The following JAKMIP1 variants were observed in gnomAD, a reference collection of about 807,000 sequenced individuals.
JAKMIP1 encodes the protein janus kinase and microtubule-interacting protein 1.
In JAKMIP1, 33 loss-of-function variants were observed where a neutral mutation model predicts 113.0. That is an observed-to-expected ratio of 0.29 (90% confidence interval 0.22 to 0.39). The LOEUF is 0.39. Among genes scored for constraint, JAKMIP1 ranks in the 10% least tolerant of loss-of-function variants. The probability of loss-of-function intolerance (pLI) is 1.00; values close to 1 mark genes in which losing one functional copy is unlikely to be tolerated. For synonymous variants in JAKMIP1, 480 were observed against 459.9 expected (o/e 1.04, Z -0.56); for missense variants, 813 against 1,080.5 (o/e 0.75, Z 3.47).
At chr4:6,191,985 T>G (rs776798680) in intron 1 of JAKMIP1, among the ~76,000 whole-genome samples, 3 of 151,476 alleles carry the variant, frequency 2.0e-5, no homozygotes, top group Non-Finnish European at 4.4e-5. Context: ...CAGGCTGGAG[T>G]GCAATGGCCC....
Position 6,076,608 on chromosome 4 carries a change from T to C in JAKMIP1, c.1302+2331A>G, listed in dbSNP as rs1578165907. Among the ~76,000 whole-genome samples, 2 of 152,120 alleles carry C rather than the reference T, an allele frequency of 1.3e-5. No individual in the cohort carries two copies. The highest frequency in any genetic ancestry group is 4.8e-5 in the African/African-American group (2 of 41,418). ...ACCAGGAGGCAGCCTGGGAGCCAAA[T>C]TGCACCCATAGATATATTTTATGTG... On this transcript the variant is annotated intron_variant, in intron 8 of 20. Coordinates refer to ENST00000409021, the MANE Select transcript of JAKMIP1 (RefSeq NM_001099433.2). The surrounding 1 kb of genome is among the most constrained non-coding windows in gnomAD (Gnocchi z 4.8).
chr4:6,037,000 G>T (rs897737566), intron 18 of JAKMIP1, among the ~76,000 whole-genome samples: 41 of 148,472 alleles, frequency 2.8e-4, no homozygotes, highest in African/African-American at 9.3e-4. Context: ...CATCACTGAG[G>T]CAGAGGTTAA....
chr4:6,133,140 A>T (rs115151629), intron 1 of JAKMIP1, among the ~76,000 whole-genome samples: 1 of 152,346 alleles, frequency 6.6e-6, no homozygotes, highest in Non-Finnish European at 1.5e-5. Flanking sequence ...GAACACCAAA[A>T]AAACCTCATA....
intron 3 of JAKMIP1, among the ~76,000 whole-genome samples, chr4:6,103,091 T>C (rs1713349363): frequency 6.6e-6 from 1 of 152,190 alleles, no homozygotes; most frequent in African/African-American, 2.4e-5. Flanking sequence ...GTTTTGACCT[T>C]GAACTTGGGT....
chr4:6,042,183 C>T lies in JAKMIP1; in HGVS notation c.2073G>A (p.Lys691=). 6.2e-7 allele frequency: 1 copy of T among 1,613,940 alleles called. No individual in the cohort carries two copies. Among genetic ancestry groups the T allele is most frequent in the Non-Finnish European group, 8.5e-7 (1 of 1,179,866 alleles). ...IEGTEAALTQ[K]MLDLEKEKDL... ...CCTTCTCCTTCTCCAGGTCCAGCAT[C>T]TTCTGGGTCAGGGCGGCCTCGGTCC... The change falls in exon 17 of 21, where the codon AAG becomes AAA. Residue 691 remains lysine, a synonymous_variant. Coordinates refer to ENST00000409021, the MANE Select transcript of JAKMIP1 (RefSeq NM_001099433.2). This position sits in a 1 kb window ranked among gnomAD's most constrained non-coding sequence, Gnocchi z 5.2.
At chr4:6,084,157 A>G (rs1352025962) in intron 5 of JAKMIP1, among the ~76,000 whole-genome samples, 1 of 151,966 alleles carries the variant, frequency 6.6e-6, no homozygotes, top group Non-Finnish European at 1.5e-5. Context: ...GCCTCTACTA[A>G]ATGTACAAAA....
Position 6,087,742 on chromosome 4 carries a change from T to G in JAKMIP1, c.625-2113A>C, listed in dbSNP as rs140327276. 2.6e-3 allele frequency among the ~76,000 whole-genome samples: 402 copies of G among 152,332 alleles called. 1 individual carries two copies. Among genetic ancestry groups the G allele is most frequent in the African/African-American group, 9.2e-3 (382 of 41,568 alleles). On this transcript the variant is annotated intron_variant, in intron 3 of 20. Transcript: ENST00000409021. ...TATGTGCTAGTTGTGAGCTAGGTAC[T>G]AATTTGTACTTAAGAGCTCTCTGAG...
intron 12 of JAKMIP1, 71 bp downstream of exon 12, chr4:6,056,626 G>A: frequency 1.7e-6 from 2 of 1,182,874 alleles, no homozygotes; most frequent in South Asian, 1.2e-5. Context: ...CACGACCCGT[G>A]TAGTCTGAGC....
intron 1 of JAKMIP1, among the ~76,000 whole-genome samples, chr4:6,133,988 T>C (rs1432580286): frequency 1.3e-5 from 2 of 152,224 alleles, no homozygotes; most frequent in African/African-American, 2.4e-5. Context: ...TGAATTAGAA[T>C]GGACTGATAT....
Position 6,186,300 on chromosome 4 carries a change from C to T in JAKMIP1, c.-148+13953G>A, listed in dbSNP as rs921197273. Among the ~76,000 whole-genome samples, 3 of 152,034 alleles carry T rather than the reference C, an allele frequency of 2.0e-5. No individual in the cohort carries two copies. Among genetic ancestry groups the T allele is most frequent in the African/African-American group, 7.3e-5 (3 of 41,378 alleles). ...CATTCCAGGAAAGTGGGATGGTGAG[C>T]AAAAGCATGGAAGTTGGAAAAGGAG... On this transcript the variant is annotated intron_variant, in intron 1 of 20. Transcript: ENST00000409021. This position sits in a 1 kb window ranked among gnomAD's most constrained non-coding sequence, Gnocchi z 5.5.
chr4:6,169,603 T>TGTGTGTGTGTGTGTGTGTGTG (rs201784962), intron 1 of JAKMIP1, among the ~76,000 whole-genome samples: 2 of 137,284 alleles, frequency 1.5e-5, no homozygotes, highest in Admixed American at 6.9e-5. Context: ...CCCTAGGAAA[T>TGTGTGTGTGTGTGTGTGTGTG]TGTGTGTGTG....
chr4:6,117,210 G>A (rs574973145), intron 1 of JAKMIP1, among the ~76,000 whole-genome samples: 3 of 152,166 alleles, frequency 2.0e-5, no homozygotes, highest in Non-Finnish European at 4.4e-5. Flanking sequence ...GGTAATTATC[G>A]GGGGACCTGC....
chr4:6,124,541 G>A (rs555202245), intron 1 of JAKMIP1, among the ~76,000 whole-genome samples: 1 of 152,326 alleles, frequency 6.6e-6, no homozygotes, highest in East Asian at 1.9e-4. Context: ...GCATTCGTGT[G>A]ACACAGTGGC....
rs67524653 is a variant in JAKMIP1, at chr4:6,154,500, T to TAA, written c.-147-41505_-147-41504dup. 7.3e-6 allele frequency among the ~76,000 whole-genome samples: 1 copy of TAA among 137,082 alleles called. No individual in the cohort carries two copies. 89.9% of individuals were successfully genotyped at this position (137,082 alleles called of 152,430 possible). On this transcript the variant is annotated intron_variant, in intron 1 of 20. Coordinates refer to ENST00000409021, the MANE Select transcript of JAKMIP1 (RefSeq NM_001099433.2). The surrounding 1 kb of genome is among the most constrained non-coding windows in gnomAD (Gnocchi z 4.2). ...AATTTGTCAGATGTCTATAGTCCTT[T>TAA]AAAAAAAAAAAAAAGCAGGGGGGAT...
intron 1 of JAKMIP1, among the ~76,000 whole-genome samples, chr4:6,127,244 C>CCA (rs1484849663): frequency 6.6e-6 from 1 of 152,208 alleles, no homozygotes; most frequent in Non-Finnish European, 1.5e-5. Context: ...CCCATCTGAG[C>CCA]CACAGCAAGC....
In JAKMIP1 at chr4:6,141,113, T is replaced by C. The variant is rs1345608226; in HGVS notation, c.-147-28116A>G. 6.6e-6 allele frequency among the ~76,000 whole-genome samples: 1 copy of C among 152,118 alleles called. No homozygotes were observed. The highest frequency in any genetic ancestry group is 1.5e-5 in the Non-Finnish European group (1 of 68,030). On this transcript the variant is annotated intron_variant, in intron 1 of 20. Coordinates refer to ENST00000409021, the MANE Select transcript of JAKMIP1 (RefSeq NM_001099433.2). The surrounding 1 kb of genome is among the most constrained non-coding windows in gnomAD (Gnocchi z 9.4). ...TCACTACCATCCTAATTGTATCGCG[T>C]AGAATGAGAAGCAGCTACCAACATT...
intron 1 of JAKMIP1, among the ~76,000 whole-genome samples, chr4:6,120,451 A>G (rs1716548370): frequency 1.3e-5 from 2 of 152,176 alleles, no homozygotes; most frequent in African/African-American, 4.8e-5. Flanking sequence ...GAAAACTGGA[A>G]ATAACCTCAG....
At position 6,142,135 on chromosome 4, in the gene JAKMIP1, T is replaced by C. The variant is rs955869258; in HGVS notation, c.-147-29138A>G. On this transcript the variant is annotated intron_variant, in intron 1 of 20. Transcript: ENST00000409021. This position sits in a 1 kb window ranked among gnomAD's most constrained non-coding sequence, Gnocchi z 5.5. The stretch of plus-strand genomic sequence containing the variant: ...CCTCTTCATATCATGAAATAAGAAT[T>C]TTCCAAGACGCTCTGAAGAGTGGTG... Among the ~76,000 whole-genome samples, 71 of 152,108 alleles carry C rather than the reference T, an allele frequency of 4.7e-4. 3 individuals carry two copies. Among genetic ancestry groups the C allele is most frequent in the Non-Finnish European group, 1.5e-5 (1 of 68,026 alleles).
In JAKMIP1 at chr4:6,188,862, AG is replaced by A. The variant is rs1029457662; in HGVS notation, c.-148+11390del. Among the ~76,000 whole-genome samples the A allele has an allele frequency of 6.6e-6, 1 of 152,186 alleles. No homozygotes were observed. The highest frequency in any genetic ancestry group is 6.5e-5 in the Admixed American group (1 of 15,284). On this transcript the variant is annotated intron_variant, in intron 1 of 20. Transcript: ENST00000409021. The surrounding 1 kb of genome is among the most constrained non-coding windows in gnomAD (Gnocchi z 5.8). The stretch of plus-strand genomic sequence containing the variant: ...CTTCCTGGGAGAGATAGATCATGTC[AG>A]GAAAGCACCCATCTGCCCAGTGGTT...
Sources: gnomAD v4.1 joint callset for allele counts (sites outside exome capture counted in the v4.1 genomes callset) on GRCh38, gnomAD v4.1.1 for gene constraint, Gnocchi (gnomAD v3.1) non-coding constraint, MANE v1.5 for transcripts, NCBI Gene and HGNC (gene_info 2026-07-23, HGNC 2026-07-21) for gene names.